Variants in SHISA9 observed in about 807,000 individuals in gnomAD.
SHISA9 encodes the protein protein shisa-9.
In SHISA9, 13 loss-of-function variants were observed where a neutral mutation model predicts 38.0. The observed-to-expected ratio is 0.34, with a 90% CI of 0.22 to 0.54. The LOEUF is 0.54. Ranked by LOEUF, SHISA9 falls within the 20% of genes least tolerant of loss-of-function variation. SHISA9 has a pLI of 0.91. For synonymous variants in SHISA9, 275 were observed against 242.0 expected, an observed-to-expected ratio of 1.14 and a Z score of -1.27; for missense variants, 538 against 575.8, an observed-to-expected ratio of 0.93 and a Z score of 0.67.
At chr16:13,479,693 G>A in the SHISA9 span, among the ~76,000 whole-genome samples, 1 of 152,188 alleles carries the variant, frequency 6.6e-6, no homozygotes, top group South Asian at 2.1e-4. Context: ...GCATGAGGAT[G>A]CGATTAATTG....
intron 2 of SHISA9, among the ~76,000 whole-genome samples, chr16:13,009,030 C>T (rs1338408640): frequency 1.3e-5 from 2 of 151,608 alleles, no homozygotes; most frequent in Non-Finnish European, 1.5e-5. Flanking sequence ...TGGAGAGTGA[C>T]AAAAGTTAGC....
the SHISA9 span, among the ~76,000 whole-genome samples, chr16:13,393,317 G>A: frequency 6.6e-6 from 1 of 152,126 alleles, no homozygotes; most frequent in Non-Finnish European, 1.5e-5. Context: ...TTGAACAAGA[G>A]CCCAGCATTT....
the SHISA9 span, among the ~76,000 whole-genome samples, chr16:13,497,388 TAAAG>T: frequency 2.7e-4 from 41 of 151,996 alleles, no homozygotes; most frequent in Non-Finnish European, 5.3e-4. Flanking sequence ...TATGAATCAA[TAAAG>T]AAAAGGAGAG....
the SHISA9 span, among the ~76,000 whole-genome samples, chr16:13,347,181 C>T: frequency 6.6e-6 from 1 of 152,126 alleles, no homozygotes; most frequent in Non-Finnish European, 1.5e-5. Flanking sequence ...GGAAAATTGC[C>T]ATTTCTGAAC....
At chr16:13,446,930 A>G in the SHISA9 span, among the ~76,000 whole-genome samples, 2 of 151,336 alleles carry the variant, frequency 1.3e-5, no homozygotes, top group Non-Finnish European at 2.9e-5. Flanking sequence ...TGGTGAACCG[A>G]GATCTTGCCA....
the SHISA9 span, among the ~76,000 whole-genome samples, chr16:13,301,465 C>T: frequency 6.6e-6 from 1 of 152,202 alleles, no homozygotes; most frequent in Non-Finnish European, 1.5e-5. Flanking sequence ...AATGTACTGT[C>T]ACCCAAAGTG....
intron 2 of SHISA9, among the ~76,000 whole-genome samples, chr16:12,946,775 A>T (rs796875847): frequency 3.3e-5 from 5 of 152,382 alleles, no homozygotes; most frequent in African/African-American, 1.2e-4. Context: ...CAACATTCTC[A>T]ACAGCTGGTG....
intron 2 of SHISA9, among the ~76,000 whole-genome samples, chr16:13,065,323 C>T (rs1409945283): frequency 2.6e-5 from 4 of 152,214 alleles, no homozygotes; most frequent in Non-Finnish European, 4.4e-5. Flanking sequence ...CATCTCCTTA[C>T]CCCTATGTGA....
downstream of SHISA9, among the ~76,000 whole-genome samples, chr16:13,243,006 C>T (rs1429963639): frequency 1.3e-5 from 2 of 151,978 alleles, no homozygotes; most frequent in African/African-American, 2.4e-5. Flanking sequence ...TTTGGGAGGC[C>T]GAGAAGGGCA....
At chr16:12,918,068 GT>G (rs780779176) in intron 2 of SHISA9, among the ~76,000 whole-genome samples, 4 of 152,054 alleles carry the variant, frequency 2.6e-5, no homozygotes. Flanking sequence ...GATGTGTTAG[GT>G]TTAAATATAT....
chr16:13,292,629 A>T, the SHISA9 span, among the ~76,000 whole-genome samples: 1 of 152,148 alleles, frequency 6.6e-6, no homozygotes, highest in African/African-American at 2.4e-5. Context: ...AGAGCTGGTC[A>T]TCTTGTTCCT....
chr16:13,412,781 C>T, the SHISA9 span, among the ~76,000 whole-genome samples: 19 of 151,608 alleles, frequency 1.3e-4, no homozygotes, highest in Middle Eastern at 3.4e-3. Context: ...CACTTTAGCC[C>T]GGGAGGCAGA....
chr16:12,916,011 G>GTGTTTTTT (rs2071251026), intron 1 of SHISA9, among the ~76,000 whole-genome samples: 1 of 90,432 alleles, frequency 1.1e-5, no homozygotes, highest in Admixed American at 1.4e-4. Context: ...GTGTGTGTGT[G>GTGTTTTTT]TTTTTTTTTT....
chr16:13,120,450 T>G (rs1159577092), intron 2 of SHISA9, among the ~76,000 whole-genome samples: 1 of 152,200 alleles, frequency 6.6e-6, no homozygotes, highest in Non-Finnish European at 1.5e-5. Flanking sequence ...ATATTCATAG[T>G]GCCCCAAAGG....
chr16:13,016,526 C>T (rs1013369918), intron 2 of SHISA9, among the ~76,000 whole-genome samples: 8 of 152,166 alleles, frequency 5.3e-5, no homozygotes, highest in Admixed American at 5.2e-4. Context: ...GGGAAGAAGA[C>T]TCAGGTGAGC....
chr16:13,085,660 G>A (rs1375047981), intron 2 of SHISA9, among the ~76,000 whole-genome samples: 3 of 152,116 alleles, frequency 2.0e-5, no homozygotes, highest in African/African-American at 7.2e-5. Context: ...GCACCGCCTG[G>A]GTGTAGGAAT....
intron 2 of SHISA9, among the ~76,000 whole-genome samples, chr16:12,946,588 T>G (rs2071690947): frequency 6.6e-6 from 1 of 152,200 alleles, no homozygotes; most frequent in Non-Finnish European, 1.5e-5. Context: ...GAACATGGAT[T>G]GTAACACCAA....
intron 2 of SHISA9, among the ~76,000 whole-genome samples, chr16:13,108,958 G>A (rs901771791): frequency 6.6e-6 from 1 of 152,138 alleles, no homozygotes; most frequent in Non-Finnish European, 1.5e-5. Flanking sequence ...CAAATGGATT[G>A]TTTTCTCCAG....
At chr16:13,390,356 G>A in the SHISA9 span, among the ~76,000 whole-genome samples, 1 of 152,068 alleles carries the variant, frequency 6.6e-6, no homozygotes, top group South Asian at 2.1e-4. Flanking sequence ...CCAACATGAA[G>A]TGTGTTTGTT....
Sources: gnomAD v4.1 joint callset for allele counts (sites outside exome capture counted in the v4.1 genomes callset) on GRCh38, gnomAD v4.1.1 for gene constraint, MANE v1.5 for transcripts, NCBI Gene and HGNC (gene_info 2026-07-23, HGNC 2026-07-21) for gene names.